OXR1: variants seen among roughly 807,000 people sequenced by gnomAD.
The protein encoded by OXR1 is oxidation resistance 1.
A neutral mutation model predicts 104.6 loss-of-function variants in OXR1; 41 were observed. The ratio of observed to expected loss-of-function variants is 0.39; its 90% confidence interval spans 0.31 to 0.51. The LOEUF (loss-of-function observed/expected upper bound fraction) is 0.51, where lower values mean the gene tolerates loss of function less well. Ranked by LOEUF, OXR1 falls within the 20% of genes least tolerant of loss-of-function variation. The probability of loss-of-function intolerance (pLI) is 0.77; values close to 1 mark genes in which losing one functional copy is unlikely to be tolerated. For missense variants in OXR1, 955 were observed against 1,031.9 expected (o/e 0.93, Z 1.02); for synonymous variants, 348 against 348.4 (o/e 1.00, Z 0.01).
chr8:106,399,878 A>G (rs577311452), intron 2 of OXR1, among the ~76,000 whole-genome samples: 9 of 152,278 alleles, frequency 5.9e-5, no homozygotes, highest in African/African-American at 2.2e-4. Context: ...TGTCTCTATG[A>G]TAAGATAAAG....
At chr8:106,435,286 C>T (rs147772918) in intron 2 of OXR1, among the ~76,000 whole-genome samples, 5 of 152,226 alleles carry the variant, frequency 3.3e-5, no homozygotes, top group East Asian at 3.9e-4. Context: ...TTCCTAAAGC[C>T]GATTTCGAAG....
intron 3 of OXR1, among the ~76,000 whole-genome samples, chr8:106,651,980 T>C (rs140891079): frequency 2.6e-5 from 4 of 152,298 alleles, no homozygotes; most frequent in Non-Finnish European, 4.4e-5. Flanking sequence ...CCTCCTTGGA[T>C]AGATTTATTT....
intron 11 of OXR1, among the ~76,000 whole-genome samples, chr8:106,718,562 G>A (rs1028131303): frequency 1.3e-5 from 2 of 151,798 alleles, no homozygotes; most frequent in Non-Finnish European, 2.9e-5. Context: ...GGTGTGGGTC[G>A]GGCGTGGTGG....
At chr8:106,373,117 A>G in intron 2 of OXR1, among the ~76,000 whole-genome samples, 1 of 152,156 alleles carries the variant, frequency 6.6e-6, no homozygotes, top group East Asian at 1.9e-4. Context: ...GTATCTAGGG[A>G]TGATTTAAAG....
At chr8:106,526,726 G>T (rs1813708340) in intron 3 of OXR1, among the ~76,000 whole-genome samples, 1 of 152,136 alleles carries the variant, frequency 6.6e-6, no homozygotes, top group Non-Finnish European at 1.5e-5. Context: ...TGTATTTTTA[G>T]TAGAGACAGG....
intron 3 of OXR1, chr8:106,618,183 G>C: frequency 1.3e-6 from 2 of 1,535,704 alleles, no homozygotes; most frequent in Non-Finnish European, 1.7e-6. Flanking sequence ...CCAGCGCAAA[G>C]GTATGTGTAA....
At chr8:106,588,480 T>C (rs1818823495) in intron 3 of OXR1, among the ~76,000 whole-genome samples, 1 of 147,304 alleles carries the variant, frequency 6.8e-6, no homozygotes, top group African/African-American at 2.6e-5. Flanking sequence ...GAAATTCATA[T>C]AATTTCTCAT....
chr8:106,373,903 T>TA (rs1270721382), intron 2 of OXR1, among the ~76,000 whole-genome samples: 1 of 152,206 alleles, frequency 6.6e-6, no homozygotes, highest in Non-Finnish European at 1.5e-5. Context: ...ATGTCTTTTT[T>TA]AAAAATCAGA....
chr8:106,724,404 AG>A (rs1833133194), intron 11 of OXR1, among the ~76,000 whole-genome samples: 1 of 152,204 alleles, frequency 6.6e-6, no homozygotes, highest in African/African-American at 2.4e-5. Context: ...AGAAAGGGCA[AG>A]AAGGAGACTT....
intron 3 of OXR1, among the ~76,000 whole-genome samples, chr8:106,585,431 T>C (rs1001890547): frequency 6.6e-6 from 1 of 152,166 alleles, no homozygotes; most frequent in Non-Finnish European, 1.5e-5. Flanking sequence ...GTATATCCAT[T>C]ACCCAGATTA....
At chr8:106,446,340 C>A (rs1012495934) in intron 2 of OXR1, among the ~76,000 whole-genome samples, 1 of 152,134 alleles carries the variant, frequency 6.6e-6, no homozygotes, top group African/African-American at 2.4e-5. Flanking sequence ...ATTTTTGAGG[C>A]CGGGTGCCGT....
intron 10 of OXR1, among the ~76,000 whole-genome samples, chr8:106,711,470 A>G (rs1226259349): frequency 6.6e-6 from 1 of 152,162 alleles, no homozygotes; most frequent in East Asian, 1.9e-4. Context: ...ATTACAACGT[A>G]CTATATTTTT....
chr8:106,731,571 G>T (rs1025543298), intron 11 of OXR1, among the ~76,000 whole-genome samples: 7 of 152,024 alleles, frequency 4.6e-5, no homozygotes, highest in Non-Finnish European at 7.4e-5. Context: ...AGTCCATTTG[G>T]TATAAAGACT....
intron 2 of OXR1, among the ~76,000 whole-genome samples, chr8:106,383,055 A>G (rs1393914533): frequency 6.6e-6 from 1 of 151,860 alleles, no homozygotes; most frequent in African/African-American, 2.4e-5. Flanking sequence ...CTTGAAGAAT[A>G]TGAGAAAGGA....
chr8:106,278,246 A>G (rs1812139293), intron 1 of OXR1, among the ~76,000 whole-genome samples: 1 of 152,216 alleles, frequency 6.6e-6, no homozygotes, highest in Non-Finnish European at 1.5e-5. Flanking sequence ...TGTTCAAGGA[A>G]CAAATTAATA....
At chr8:106,379,091 T>G (rs1037401998) in intron 2 of OXR1, among the ~76,000 whole-genome samples, 3 of 152,152 alleles carry the variant, frequency 2.0e-5, no homozygotes. Flanking sequence ...AAGGAGCTCT[T>G]AAAATGTGGT....
intron 1 of OXR1, among the ~76,000 whole-genome samples, chr8:106,314,089 C>A (rs1267364416): frequency 2.0e-5 from 3 of 152,170 alleles, no homozygotes; most frequent in Non-Finnish European, 2.9e-5. Context: ...GTTAAACAGA[C>A]TTCCTTACTG....
chr8:106,589,340 C>CTT (rs71562109), intron 3 of OXR1, among the ~76,000 whole-genome samples: 48,787 of 136,792 alleles, frequency 0.36, 9,252 homozygotes, highest in African/African-American at 0.5. Flanking sequence ...GCCCTGGAGC[C>CTT]TTTTTTTTTT....
chr8:106,748,825 C>T (rs1835626407), intron 16 of OXR1, among the ~76,000 whole-genome samples: 1 of 151,632 alleles, frequency 6.6e-6, no homozygotes, highest in Non-Finnish European at 1.5e-5. Flanking sequence ...CAGCCTCAGC[C>T]TCCCAAAGTG....
Sources: gnomAD v4.1 joint callset for allele counts (sites outside exome capture counted in the v4.1 genomes callset) on GRCh38, gnomAD v4.1.1 for gene constraint, MANE v1.5 for transcripts, NCBI Gene and HGNC (gene_info 2026-07-23, HGNC 2026-07-21) for gene names.